The following ITPR1 variants were observed in gnomAD, a reference collection of about 807,000 sequenced individuals.
The protein encoded by ITPR1 is inositol 1,4,5-trisphosphate receptor type 1.
ITPR1 carries 96 observed loss-of-function variants against 318.4 expected under a neutral mutation model. The ratio of observed to expected loss-of-function variants is 0.30; its 90% CI spans 0.26 to 0.36. The LOEUF (loss-of-function observed/expected upper bound fraction) is 0.36, where lower values mean the gene tolerates loss of function less well. Ranked by LOEUF, ITPR1 falls within the 10% of genes least tolerant of loss-of-function variation. The pLI is 1.00. For missense variants in ITPR1, 2,440 were observed against 3,460.2 expected, an observed-to-expected ratio of 0.71 and a Z score of 7.40; for synonymous variants, 1,312 against 1,289.9, an observed-to-expected ratio of 1.02 and a Z score of -0.37.
chr3:4,591,360 C>A (rs1019714350), intron 4 of ITPR1, among the ~76,000 whole-genome samples: 1 of 152,166 alleles, frequency 6.6e-6, no homozygotes, highest in Admixed American at 6.5e-5. Flanking sequence ...TGTAAGGGTT[C>A]CCTTTTCTCC....
intron 7 of ITPR1, among the ~76,000 whole-genome samples, chr3:4,643,091 G>C (rs2093375255): frequency 6.6e-6 from 1 of 152,148 alleles, no homozygotes; most frequent in Non-Finnish European, 1.5e-5. Flanking sequence ...ATAAGATAGG[G>C]AATGTACCAG....
chr3:4,684,190 C>G (rs574023601), intron 28 of ITPR1, 91 bp from the exon 29 acceptor site: 22 of 827,770 alleles, frequency 2.7e-5, no homozygotes, highest in Non-Finnish European at 4.5e-5. Flanking sequence ...ATAGAACTCC[C>G]TTTCTTTCCT....
chr3:4,564,511 G>A (rs575887088), intron 4 of ITPR1, among the ~76,000 whole-genome samples: 1 of 152,260 alleles, frequency 6.6e-6, no homozygotes, highest in South Asian at 2.1e-4. Context: ...AATGAGTCAC[G>A]TTCTGCATGT....
chr3:4,613,584 ATC>A (rs2092258377), intron 4 of ITPR1, among the ~76,000 whole-genome samples: 1 of 152,038 alleles, frequency 6.6e-6, no homozygotes, highest in Non-Finnish European at 1.5e-5. Flanking sequence ...CGGTGATGTC[ATC>A]TCTCTCTCTT....
chr3:4,676,622 G>A lies in ITPR1; in HGVS notation c.2788G>A (p.Val930Met), dbSNP rs369458550. 6.2e-6 allele frequency: 10 copies of A among 1,613,486 alleles called. No homozygotes were observed. The highest frequency in any genetic ancestry group is 2.2e-5 in the South Asian group (2 of 91,012). Reference sequence around the variant, plus strand: ...CTCCTGGCCTTTCCTAGGCAGTAACGTGATGAGATCTATTCATGGCGTGGG... The same window carrying A: ...CTCCTGGCCTTTCCTAGGCAGTAACATGATGAGATCTATTCATGGCGTGGG... ...NDVEKLKSSN[V>M]MRSIHGVGEL... is the part of the protein sequence containing the mutation. The change falls in exon 24 of 62, where the codon GTG becomes ATG. Residue 930 changes from valine (V) to methionine (M), a missense_variant. By Grantham distance (21) the Val-to-Met change is conservative. Coordinates refer to ENST00000649015, the MANE Select transcript of ITPR1 (RefSeq NM_001378452.1).
At chr3:4,790,578 T>C (rs1156461213) in intron 52 of ITPR1, among the ~76,000 whole-genome samples, 2 of 152,176 alleles carry the variant, frequency 1.3e-5, no homozygotes, top group Non-Finnish European at 2.9e-5. Flanking sequence ...TCATCGGAAA[T>C]ACAATTAAAA....
chr3:4,837,589 T>C (rs571065767), intron 61 of ITPR1, among the ~76,000 whole-genome samples: 7 of 152,046 alleles, frequency 4.6e-5, no homozygotes, highest in African/African-American at 1.7e-4. Context: ...ATCTTATGGA[T>C]AGGAAGCAGG....
At chr3:4,744,822 C>T (rs1363599685) in intron 44 of ITPR1, among the ~76,000 whole-genome samples, 1 of 152,176 alleles carries the variant, frequency 6.6e-6, no homozygotes, top group Non-Finnish European at 1.5e-5. Context: ...TGGCCACTTA[C>T]TCAGCTAATA....
At chr3:4,829,395 T>TGA (rs1401514720) in intron 60 of ITPR1, among the ~76,000 whole-genome samples, 1 of 152,172 alleles carries the variant, frequency 6.6e-6, no homozygotes, top group African/African-American at 2.4e-5. Context: ...CTGAATTCCT[T>TGA]GAATTTGGGG....
intron 4 of ITPR1, among the ~76,000 whole-genome samples, chr3:4,618,207 A>G (rs954352570): frequency 6.6e-6 from 1 of 152,188 alleles, no homozygotes; most frequent in African/African-American, 2.4e-5. Flanking sequence ...TTAATTTTAT[A>G]TTATGTGAAT....
chr3:4,816,837 C>T (rs2049334854), intron 59 of ITPR1, among the ~76,000 whole-genome samples: 1 of 152,174 alleles, frequency 6.6e-6, no homozygotes. Context: ...ATTGATGATG[C>T]TTGGCTAACT....
intron 4 of ITPR1, among the ~76,000 whole-genome samples, chr3:4,569,394 A>G (rs1034339314): frequency 3.3e-5 from 5 of 152,260 alleles, no homozygotes; most frequent in African/African-American, 1.2e-4. Context: ...TTAGATTTAT[A>G]AACAAAGGAC....
intron 10 of ITPR1, among the ~76,000 whole-genome samples, chr3:4,650,948 T>G (rs1413313563): frequency 6.6e-6 from 1 of 152,212 alleles, no homozygotes; most frequent in Non-Finnish European, 1.5e-5. Flanking sequence ...TTTCTTTTGT[T>G]GTACACTAAA....
chr3:4,805,961 G>A (rs2048525817), intron 54 of ITPR1, 142 bp from the exon 55 acceptor site: 2 of 641,140 alleles, frequency 3.1e-6, no homozygotes, highest in Non-Finnish European at 5.3e-6. Context: ...GGGTCTTGGC[G>A]GGTTTGGTGG....
intron 44 of ITPR1, among the ~76,000 whole-genome samples, chr3:4,745,481 C>CT (rs1271740973): frequency 1.3e-5 from 2 of 152,192 alleles, no homozygotes; most frequent in African/African-American, 4.8e-5. Flanking sequence ...TAGTCACTCC[C>CT]TTATGGCTTA....
chr3:4,814,165 G>A (rs941064922), intron 57 of ITPR1: 8 of 465,966 alleles, frequency 1.7e-5, no homozygotes, highest in Non-Finnish European at 3.2e-5. Context: ...ACCTGAAAAG[G>A]ACAGGGCATG....
chr3:4,530,764 G>A (rs1370832971), intron 4 of ITPR1, among the ~76,000 whole-genome samples: 2 of 145,950 alleles, frequency 1.4e-5, no homozygotes, highest in Non-Finnish European at 3.0e-5. Flanking sequence ...CTGGGCAACA[G>A]AGCAAGACTC....
intron 3 of ITPR1, among the ~76,000 whole-genome samples, chr3:4,517,843 CTCT>C (rs1379460037): frequency 7.2e-5 from 11 of 152,132 alleles, no homozygotes; most frequent in African/African-American, 1.9e-4. Flanking sequence ...CTCTTTTACC[CTCT>C]TCTTCTTTTC....
chr3:4,528,593 G>C (rs2083166892), intron 4 of ITPR1, among the ~76,000 whole-genome samples: 1 of 152,174 alleles, frequency 6.6e-6, no homozygotes, highest in Non-Finnish European at 1.5e-5. Context: ...CATGCAAAGG[G>C]GAGGGCCTAA....
Sources: allele counts gnomAD v4.1 joint callset (sites outside exome capture counted in the v4.1 genomes callset), GRCh38; gene constraint gnomAD v4.1.1; transcripts MANE v1.5; gene names NCBI Gene and HGNC (gene_info 2026-07-23, HGNC 2026-07-21).